The following SLC17A8 variants were observed in gnomAD, a reference collection of about 807,000 sequenced individuals.
SLC17A8 encodes solute carrier family 17 member 8.
A neutral mutation model predicts 58.0 loss-of-function variants in SLC17A8; 31 were observed. That is an observed-to-expected ratio of 0.53 (90% CI 0.40 to 0.72). SLC17A8 has a LOEUF of 0.72. Among genes scored for constraint, SLC17A8 ranks in the 30% least tolerant of loss-of-function variants. The pLI, the probability that SLC17A8 is intolerant of heterozygous loss-of-function variation, is 0.00. For synonymous variants in SLC17A8, 228 were observed against 249.0 expected (o/e 0.92, Z 0.79); for missense variants, 655 against 727.8 (o/e 0.90, Z 1.15).
At chr12:100,409,833 A>C (rs1422523067) in intron 9 of SLC17A8, among the ~76,000 whole-genome samples, 1 of 152,228 alleles carries the variant, frequency 6.6e-6, no homozygotes, top group African/African-American at 2.4e-5. Context: ...ATAGAGGAGT[A>C]TGTCTGTGGC....
At position 100,419,851 on chromosome 12, in the gene SLC17A8, G is replaced by A. The variant is rs769067799; in HGVS notation, c.1462G>A (p.Ala488Thr). Residue 488 changes from alanine to threonine, a missense_variant, in exon 12 of 12, where the codon GCC (alanine) becomes ACC (threonine). Coordinates refer to ENST00000323346, the MANE Select transcript of SLC17A8 (RefSeq NM_139319.3). ...ATGGCAGAATGTGTTCCTCATAGCT[G>A]CCCTGGTGCATTACAGTGGTGTGAT... ...EEWQNVFLIA[A>T]LVHYSGVIFY... The A allele has an allele frequency of 6.2e-7, 1 of 1,613,938 alleles. No individual in the cohort carries two copies. The highest frequency in any genetic ancestry group is 1.1e-5 in the South Asian group (1 of 91,084).
intron 3 of SLC17A8, among the ~76,000 whole-genome samples, chr12:100,393,136 T>C (rs1406827612): frequency 1.3e-5 from 2 of 152,210 alleles, no homozygotes; most frequent in African/African-American, 4.8e-5. Flanking sequence ...GCTAATTTTT[T>C]GTATTTTTAG....
chr12:100,407,586 A>T (rs75152953), intron 9 of SLC17A8, among the ~76,000 whole-genome samples: 6,856 of 146,456 alleles, frequency 0.047, 318 homozygotes, highest in East Asian at 0.22. Context: ...ATATATATAT[A>T]TTTTTTTTGT....
intron 1 of SLC17A8, among the ~76,000 whole-genome samples, chr12:100,379,809 G>A (rs11110357): frequency 6.6e-6 from 1 of 151,866 alleles, no homozygotes; most frequent in Non-Finnish European, 1.5e-5. Flanking sequence ...CACCTCCTTA[G>A]AGGAACCATC....
At chr12:100,417,962 G>A in intron 10 of SLC17A8, 67 bp from the exon 11 acceptor site, 1 of 1,605,666 alleles carries the variant, frequency 6.2e-7, no homozygotes, top group Non-Finnish European at 8.5e-7. Flanking sequence ...GGGCAACTGA[G>A]TATTTTCCAA....
In SLC17A8 at chr12:100,421,668, T is replaced by TTTG. The variant is rs1566408267; in HGVS notation, c.*1511_*1512insGTT. 1 of 83,378 alleles carries TTTG rather than the reference T, an allele frequency of 1.2e-5. No individual in the cohort carries two copies. Among genetic ancestry groups the TTTG allele is most frequent in the Non-Finnish European group, 3.8e-5 (1 of 26,524 alleles). The allele number at this position is 83,378 out of a possible 1,614,324, so 5.2% of individuals were successfully genotyped here. A position where few individuals can be genotyped will look rare whatever the true frequency, so the allele number is the denominator to read the frequency against. On this transcript the variant is annotated 3_prime_UTR_variant, in exon 12 of 12. Transcript: ENST00000323346. ...TTATTATTGTAAAGTGTTTTTTTTT[T>TTTG]TTTTTTTTTTTTCTAATTTCTCCCA...
chr12:100,403,691 T>C (rs993835986), intron 8 of SLC17A8, among the ~76,000 whole-genome samples: 3 of 152,114 alleles, frequency 2.0e-5, no homozygotes, highest in Non-Finnish European at 4.4e-5. Context: ...GAAGTGACCA[T>C]GGAAGAGCTG....
intron 1 of SLC17A8, among the ~76,000 whole-genome samples, chr12:100,372,945 G>GAAACA (rs1344866607): frequency 6.6e-6 from 1 of 152,112 alleles, no homozygotes. Flanking sequence ...TATTACCTAT[G>GAAACA]AAACAAAACA....
Position 100,402,413 on chromosome 12 carries a change from A to G in SLC17A8, c.837A>G (p.Ile279Met). Residue 279 changes from isoleucine (I) to methionine (M), a missense_variant, in exon 7 of 12, where the codon ATA becomes ATG. By Grantham distance (10) the Ile-to-Met change is conservative. Coordinates refer to ENST00000323346, the MANE Select transcript of SLC17A8 (RefSeq NM_139319.3). The stretch of plus-strand genomic sequence containing the variant: ...AGTGCCCAGCAGCTCATCCAACAAT[A>G]TCCAATGAGGAGAAGACCTATATAG... ...AYECPAAHPT[I>M]SNEEKTYIET... The G allele has an allele frequency of 1.2e-6, 2 of 1,614,152 alleles. No individual in the cohort carries two copies. The highest frequency in any genetic ancestry group is 1.7e-6 in the Non-Finnish European group (2 of 1,180,008).
chr12:100,413,147 G>T (rs1952882573), intron 10 of SLC17A8, among the ~76,000 whole-genome samples: 1 of 152,116 alleles, frequency 6.6e-6, no homozygotes, highest in African/African-American at 2.4e-5. Flanking sequence ...TGAGACACGA[G>T]CAGAGGCCCA....
chr12:100,371,803 C>A (rs539927458), intron 1 of SLC17A8, among the ~76,000 whole-genome samples: 5 of 152,326 alleles, frequency 3.3e-5, no homozygotes, highest in South Asian at 2.1e-4. Flanking sequence ...CCTGCCTTGG[C>A]CTTCCAAATT....
chr12:100,417,358 C>A (rs1372289289), intron 10 of SLC17A8, among the ~76,000 whole-genome samples: 1 of 152,180 alleles, frequency 6.6e-6, no homozygotes, highest in Admixed American at 6.5e-5. Context: ...TATCACAGCA[C>A]CTCTGTGAAG....
intron 9 of SLC17A8, among the ~76,000 whole-genome samples, chr12:100,409,193 GTA>G (rs1394352855): frequency 0.021 from 2,870 of 137,634 alleles, 37 homozygotes; most frequent in Non-Finnish European, 0.031. Context: ...ATGTATGTAT[GTA>G]TGTATTTAGA....
chr12:100,418,680 T>G (rs963022018), intron 11 of SLC17A8, among the ~76,000 whole-genome samples: 1 of 152,210 alleles, frequency 6.6e-6, no homozygotes, highest in African/African-American at 2.4e-5. Context: ...CATCCAGAGT[T>G]CAACCACAGC....
intron 10 of SLC17A8, among the ~76,000 whole-genome samples, chr12:100,415,019 C>T (rs1239688910): frequency 6.6e-6 from 1 of 152,176 alleles, no homozygotes; most frequent in African/African-American, 2.4e-5. Flanking sequence ...CTTTGTGATG[C>T]AAAAGAGATC....
At chr12:100,370,489 G>A in intron 1 of SLC17A8, among the ~76,000 whole-genome samples, 1 of 151,666 alleles carries the variant, frequency 6.6e-6, no homozygotes, top group East Asian at 1.9e-4. Flanking sequence ...TAGAGATGGA[G>A]TTTTGCCATG....
intron 4 of SLC17A8, 92 bp from the exon 5 acceptor site, chr12:100,396,238 T>C: frequency 3.0e-6 from 3 of 1,015,250 alleles, no homozygotes; most frequent in African/African-American, 1.6e-5. Flanking sequence ...GGCTTTTATA[T>C]TGTAGCCTGT....
At chr12:100,401,746 G>T (rs757963295) in intron 5 of SLC17A8, 31 bp from the exon 6 acceptor site, 9 of 1,542,654 alleles carry the variant, frequency 5.8e-6, no homozygotes, top group African/African-American at 1.4e-5. Flanking sequence ...ATGATGATTG[G>T]TCAGATTCCC....
intron 11 of SLC17A8, 117 bp from the exon 12 acceptor site, chr12:100,419,698 T>G (rs1952933120): frequency 2.0e-6 from 2 of 985,986 alleles, no homozygotes; most frequent in African/African-American, 3.2e-5. Context: ...CCAAGGAGCC[T>G]CTAGAGCATC....
Sources: allele counts gnomAD v4.1 joint callset (sites outside exome capture counted in the v4.1 genomes callset), GRCh38; gene constraint gnomAD v4.1.1; transcripts MANE v1.5; gene names NCBI Gene and HGNC (gene_info 2026-07-23, HGNC 2026-07-21).